The following HMCN1 variants were observed in gnomAD, a reference collection of about 807,000 sequenced individuals.
The protein encoded by HMCN1 is hemicentin-1.
Under a neutral mutation model 625.9 loss-of-function variants are expected in HMCN1, and 321 were observed. The ratio of observed to expected loss-of-function variants is 0.51; its 90% confidence interval spans 0.47 to 0.56. The LOEUF (loss-of-function observed/expected upper bound fraction) is 0.56, where lower values mean the gene tolerates loss of function less well. HMCN1 is among the 20% of genes least tolerant of loss of function. HMCN1 has a pLI of 0.00. For missense variants in HMCN1, 6,588 were observed against 6,887.3 expected (o/e 0.96, Z 1.54); for synonymous variants, 2,425 against 2,417.6 (o/e 1.00, Z -0.09).
intron 4 of HMCN1, among the ~76,000 whole-genome samples, chr1:185,900,294 A>G (rs1277492284): frequency 2.0e-5 from 3 of 152,010 alleles, no homozygotes; most frequent in Non-Finnish European, 2.9e-5. Flanking sequence ...TGAGAGCTAT[A>G]AAGTTTTGCT....
In HMCN1 at chr1:186,132,396, T is replaced by C; in HGVS notation, c.13299T>C (p.Ser4433=). ...CTGGGGTGGTGGAGCGCAGCATGAGTCTGACTCTGCAAAGTAAGCTGCTTA... is the reference window on the plus strand; with the variant it reads ...CTGGGGTGGTGGAGCGCAGCATGAGCCTGACTCTGCAAAGTAAGCTGCTTA... The part of the protein sequence containing the change: ...NEAGVVERSM[S]LTLQSPPIIT... Residue 4433 remains serine, a synonymous_variant, in exon 86 of 107, where the codon AGT becomes AGC. Transcript: ENST00000271588. 6.2e-7 allele frequency: 1 copy of C among 1,611,604 alleles called. No individual in the cohort carries two copies. The highest frequency in any genetic ancestry group is 8.5e-7 in the Non-Finnish European group (1 of 1,178,648).
intron 46 of HMCN1, among the ~76,000 whole-genome samples, chr1:186,059,795 C>T (rs746016743): frequency 6.6e-6 from 1 of 151,960 alleles, no homozygotes; most frequent in Non-Finnish European, 1.5e-5. Context: ...GTACAAGAAA[C>T]GTCTCCATAT....
intron 1 of HMCN1, among the ~76,000 whole-genome samples, chr1:185,788,941 C>A (rs1490229689): frequency 6.6e-6 from 1 of 151,876 alleles, no homozygotes; most frequent in Admixed American, 6.6e-5. Flanking sequence ...TTTGACTAAC[C>A]CAAGGTTTTC....
chr1:185,972,472 T>C (rs894805706), intron 15 of HMCN1, among the ~76,000 whole-genome samples: 3 of 152,214 alleles, frequency 2.0e-5, no homozygotes, highest in Non-Finnish European at 4.4e-5. Context: ...CAGAAGTGAA[T>C]TTTATTTTAT....
chr1:186,038,712 A>G, intron 37 of HMCN1, 117 bp from the exon 38 acceptor site: 1 of 702,958 alleles, frequency 1.4e-6, no homozygotes, highest in Non-Finnish European at 2.6e-6. Context: ...ATGTAAACAG[A>G]TTAAATTCAA....
At chr1:186,126,204 A>G (rs538754241) in intron 82 of HMCN1, among the ~76,000 whole-genome samples, 6 of 152,208 alleles carry the variant, frequency 3.9e-5, no homozygotes, top group African/African-American at 1.4e-4. Context: ...AAAAAAGTCT[A>G]TGTGTCTCAA....
chr1:186,009,082 G>C (rs1653823330), intron 30 of HMCN1, among the ~76,000 whole-genome samples: 1 of 152,192 alleles, frequency 6.6e-6, no homozygotes, highest in Non-Finnish European at 1.5e-5. Context: ...AAACAGAAGT[G>C]CTATTGGTAC....
Position 186,067,994 on chromosome 1 carries a change from T to C in HMCN1, c.7866T>C (p.Ile2622=). ...CTCCTTTAGAATCTAACCGAAATAT[T>C]CGTATTCTTCCAGGTAATTCATTTG... ...DGTPLESNRN[I]RILPGGRTLQ... is the part of the protein sequence containing the mutation. Residue 2622 remains isoleucine (I), a synonymous_variant, in exon 50 of 107, where the codon ATT becomes ATC. Transcript: ENST00000271588. 1 of 1,613,274 alleles carries C rather than the reference T, an allele frequency of 6.2e-7. No individual in the cohort carries two copies. Among genetic ancestry groups the C allele is most frequent in the South Asian group, 1.1e-5 (1 of 91,068 alleles).
chr1:186,070,393 G>T (rs957391470), intron 51 of HMCN1, among the ~76,000 whole-genome samples: 2 of 152,154 alleles, frequency 1.3e-5, no homozygotes, highest in African/African-American at 2.4e-5. Flanking sequence ...AGCTTTATTG[G>T]CAGTATCACA....
chr1:185,942,541 A>G (rs1668135471), intron 11 of HMCN1, among the ~76,000 whole-genome samples: 1 of 152,324 alleles, frequency 6.6e-6, no homozygotes, highest in African/African-American at 2.4e-5. Context: ...CTTTTTTAAA[A>G]TTTTGGGAGT....
intron 36 of HMCN1, among the ~76,000 whole-genome samples, chr1:186,036,305 G>A (rs1655818378): frequency 6.6e-6 from 1 of 152,104 alleles, no homozygotes; most frequent in Admixed American, 6.6e-5. Context: ...AAAAGAAAGA[G>A]GTTTAATGGA....
chr1:185,970,858 C>T (rs1197106880), intron 15 of HMCN1, among the ~76,000 whole-genome samples: 1 of 151,916 alleles, frequency 6.6e-6, no homozygotes. Context: ...CGGGGTTTCA[C>T]CATGTTGGCC....
chr1:186,057,220 A>G lies in HMCN1; in HGVS notation c.7145-14A>G, dbSNP rs750363865. 11 of 1,606,430 alleles carry G rather than the reference A, an allele frequency of 6.8e-6. No individual in the cohort carries two copies. Among genetic ancestry groups the G allele is most frequent in the Non-Finnish European group, 7.7e-6 (9 of 1,173,880 alleles). ...AATATTTCCATTCCCTGTTTGTTTT[A>G]TTTTGTCTTACAGCTCCTCCAAGCA... On this transcript the variant is annotated splice_polypyrimidine_tract_variant and intron_variant, in intron 45 of 106. Coordinates refer to ENST00000271588, the MANE Select transcript of HMCN1 (RefSeq NM_031935.3).
intron 17 of HMCN1, among the ~76,000 whole-genome samples, chr1:185,981,395 T>C (rs1651626351): frequency 6.6e-6 from 1 of 152,110 alleles, no homozygotes; most frequent in African/African-American, 2.4e-5. Flanking sequence ...ATTTGTTATT[T>C]TAGTCAACAT....
At position 186,172,088 on chromosome 1, in the gene HMCN1, T is replaced by C. The variant is rs372092382; in HGVS notation, c.15771T>C (p.Leu5257=). The C allele has an allele frequency of 2.3e-5, 37 of 1,613,766 alleles. No homozygotes were observed. The highest frequency in any genetic ancestry group is 2.6e-5 in the Non-Finnish European group (31 of 1,179,812). Residue 5257 remains leucine, a synonymous_variant, in exon 102 of 107, where the codon CTT becomes CTC. Coordinates refer to ENST00000271588, the MANE Select transcript of HMCN1 (RefSeq NM_031935.3). ...NTRGGYKCID[L]CPNGMTKAEN... Reference sequence around the variant, plus strand: ...GTGGTGGCTATAAGTGCATTGATCTTTGTCCAAATGGAATGACCAAGGCAG... The same window carrying C: ...GTGGTGGCTATAAGTGCATTGATCTCTGTCCAAATGGAATGACCAAGGCAG...
chr1:185,867,587 G>T (rs1021079681), intron 4 of HMCN1, among the ~76,000 whole-genome samples: 39 of 152,268 alleles, frequency 2.6e-4, no homozygotes, highest in African/African-American at 8.4e-4. Flanking sequence ...GTGGGAGGTG[G>T]TGGTGGTGTG....
At chr1:186,115,509 C>A in intron 75 of HMCN1, 95 bp downstream of exon 75, 2 of 1,156,874 alleles carry the variant, frequency 1.7e-6, no homozygotes, top group Non-Finnish European at 2.5e-6. Flanking sequence ...AATATATAGA[C>A]TATAACAAAT....
intron 83 of HMCN1, among the ~76,000 whole-genome samples, chr1:186,129,608 A>G (rs1178444508): frequency 6.6e-6 from 1 of 151,958 alleles, no homozygotes; most frequent in African/African-American, 2.4e-5. Flanking sequence ...GTAATGAGAT[A>G]AATGAAATGG....
chr1:185,910,727 C>T lies in HMCN1; in HGVS notation c.794-947C>T, dbSNP rs748513237. ...CAGGGATTACAGGTGCGCACCACCA[C>T]GCCTGGCTAATTTTTGTATTTTTAG... On this transcript the variant is annotated intron_variant, in intron 5 of 106. Transcript: ENST00000271588. Among the ~76,000 whole-genome samples the T allele has an allele frequency of 2.6e-4, 39 of 151,998 alleles. No homozygotes were observed. In the South Asian group the frequency reaches 2.7e-3, roughly 11 times the overall value.
Sources: gnomAD v4.1 joint callset for allele counts (sites outside exome capture counted in the v4.1 genomes callset) on GRCh38, gnomAD v4.1.1 for gene constraint, MANE v1.5 for transcripts, NCBI Gene and HGNC (gene_info 2026-07-23, HGNC 2026-07-21) for gene names.